The following ASXL3 variants were observed in gnomAD, a reference collection of about 807,000 sequenced individuals.
ASXL3 encodes the protein putative Polycomb group protein ASXL3.
ASXL3 carries 34 observed loss-of-function variants against 170.6 expected under a neutral mutation model. The observed-to-expected ratio is 0.20, with a 90% CI of 0.15 to 0.27. The LOEUF is 0.27. Among genes scored for constraint, ASXL3 ranks in the 10% least tolerant of loss-of-function variants. The pLI, the probability that ASXL3 is intolerant of heterozygous loss-of-function variation, is 1.00. For missense variants in ASXL3, 2,592 were observed against 2,695.3 expected (o/e 0.96, Z 0.85); for synonymous variants, 1,002 against 989.1 (o/e 1.01, Z -0.24).
rs1226619353 is a variant in ASXL3, at chr18:33,713,248, G to GT, written c.880-18694dup. ...AAGAAGGTTTTTTTTGTTTTGTTTT[G>GT]TTTTTTTTTTTTTTTTTTTTTTTTT... On this transcript the variant is annotated intron_variant, in intron 8 of 11. Coordinates refer to ENST00000269197, the MANE Select transcript of ASXL3 (RefSeq NM_030632.3). 8.5e-3 allele frequency among the ~76,000 whole-genome samples: 551 copies of GT among 65,084 alleles called. 22 individuals carry two copies. The highest frequency in any genetic ancestry group is 0.014 in the Middle Eastern group (1 of 70). 42.7% of individuals were successfully genotyped at this position (65,084 alleles called of 152,430 possible).
At chr18:33,631,656 T>G (rs146884945) in intron 2 of ASXL3, among the ~76,000 whole-genome samples, 1 of 152,142 alleles carries the variant, frequency 6.6e-6, no homozygotes, top group Admixed American at 6.6e-5. Context: ...TCGCTGCTGA[T>G]ATCAGCGACT....
intron 1 of ASXL3, among the ~76,000 whole-genome samples, chr18:33,581,054 C>G (rs2064987440): frequency 6.6e-6 from 1 of 151,968 alleles, no homozygotes; most frequent in African/African-American, 2.4e-5. Context: ...TCACCATTAA[C>G]CAAATTAATA....
chr18:33,622,144 G>A (rs1289598346), intron 2 of ASXL3, among the ~76,000 whole-genome samples: 1 of 152,074 alleles, frequency 6.6e-6, no homozygotes, highest in Non-Finnish European at 1.5e-5. Context: ...GATCTTTAGT[G>A]TATCAAATGC....
In ASXL3 at chr18:33,671,772, A is replaced by T. The variant is rs201134613; in HGVS notation, c.621A>T (p.Ala207=). The T allele has an allele frequency of 1.1e-4, 172 of 1,609,198 alleles. No individual in the cohort carries two copies. The African/African-American group carries it at 2.1e-3, about 20-fold the overall frequency. ...PSGSESKNGE[A]DSSDKEMKHG... is the part of the protein sequence containing the mutation. Reference sequence around the variant, plus strand: ...GATCTGAATCTAAAAATGGTGAAGCAGACAGTTCAGATAAAGAAATGAAAC... The same window carrying T: ...GATCTGAATCTAAAAATGGTGAAGCTGACAGTTCAGATAAAGAAATGAAAC... The change falls in exon 7 of 12, where the codon GCA becomes GCT. Residue 207 remains alanine (A), a synonymous_variant. Coordinates refer to ENST00000269197, the MANE Select transcript of ASXL3 (RefSeq NM_030632.3).
Position 33,683,453 on chromosome 18 carries a change from G to T in ASXL3, c.764G>T (p.Gly255Val). Residue 255 changes from glycine to valine, a missense_variant, in exon 8 of 12, where the codon GGA becomes GTA. Around this residue, in one of 4 missense-constraint regions of ASXL3, gnomAD observed 73 missense variants for 142.7 expected, o/e 0.51. Transcript: ENST00000269197. ...GAGGACATTGACATAGAAACCCCAG[G>T]ATCTATTCTTGTCAACACTAACTTG... Reference protein sequence around the residue: ...KAEDIDIETPGSILVNTNLRA... With the variant: ...KAEDIDIETPVSILVNTNLRA... 6.2e-7 allele frequency: 1 copy of T among 1,613,472 alleles called. No homozygotes were observed. The highest frequency in any genetic ancestry group is 8.5e-7 in the Non-Finnish European group (1 of 1,179,690).
intron 1 of ASXL3, among the ~76,000 whole-genome samples, chr18:33,595,654 G>A (rs1163771526): frequency 6.6e-6 from 1 of 152,202 alleles, no homozygotes; most frequent in African/African-American, 2.4e-5. Flanking sequence ...TCTCTGCAGA[G>A]TATGCTTATT....
chr18:33,643,516 G>A (rs975665442), intron 2 of ASXL3, among the ~76,000 whole-genome samples: 1 of 151,828 alleles, frequency 6.6e-6, no homozygotes, highest in Non-Finnish European at 1.5e-5. Flanking sequence ...ATTCAATGGA[G>A]TCATATTTAT....
At chr18:33,660,840 A>C (rs531345947) in intron 4 of ASXL3, among the ~76,000 whole-genome samples, 1 of 152,266 alleles carries the variant, frequency 6.6e-6, no homozygotes, top group South Asian at 2.1e-4. Context: ...AGGAGAACTA[A>C]AGGTAGAGTT....
chr18:33,660,478 ACTT>A (rs2066154602), intron 4 of ASXL3, among the ~76,000 whole-genome samples: 1 of 152,014 alleles, frequency 6.6e-6, no homozygotes, highest in Non-Finnish European at 1.5e-5. Context: ...AATAATTTTT[ACTT>A]CTTCACCTTC....
At chr18:33,610,233 C>A (rs999594328) in intron 2 of ASXL3, among the ~76,000 whole-genome samples, 2 of 151,994 alleles carry the variant, frequency 1.3e-5, no homozygotes, top group Non-Finnish European at 1.5e-5. Context: ...TTTAGAAATT[C>A]CACCTTCATG....
intron 8 of ASXL3, among the ~76,000 whole-genome samples, chr18:33,697,115 T>C (rs1057171897): frequency 1.3e-5 from 2 of 152,136 alleles, no homozygotes; most frequent in African/African-American, 4.8e-5. Flanking sequence ...ATAGAAAAGA[T>C]TTGGCAGTTT....
rs2067723733 is a variant in ASXL3, at chr18:33,744,183, C to T, written c.4335C>T (p.Asn1445=). The T allele has an allele frequency of 6.2e-7, 1 of 1,613,852 alleles. No individual in the cohort carries two copies. Among genetic ancestry groups the T allele is most frequent in the African/African-American group, 1.3e-5 (1 of 74,934 alleles). ...TGGACAAAAATTCAGGGCCTCGAAACAGGGCAGATAATTCTGGAAAACCTC... is the reference window on the plus strand; with the variant it reads ...TGGACAAAAATTCAGGGCCTCGAAATAGGGCAGATAATTCTGGAAAACCTC... ...ESLDKNSGPR[N]RADNSGKPQQ... is the part of the protein sequence containing the mutation. The change falls in exon 12 of 12, where the codon AAC becomes AAT. Residue 1445 remains asparagine, a synonymous_variant. Coordinates refer to ENST00000269197, the MANE Select transcript of ASXL3 (RefSeq NM_030632.3).
intron 8 of ASXL3, among the ~76,000 whole-genome samples, chr18:33,686,234 AGAAT>A (rs1480555817): frequency 6.6e-6 from 1 of 152,210 alleles, no homozygotes; most frequent in Admixed American, 6.5e-5. Context: ...ACTATACGCA[AGAAT>A]GGATCTTGTG....
chr18:33,723,641 C>T (rs538519669), intron 8 of ASXL3, among the ~76,000 whole-genome samples: 4 of 152,202 alleles, frequency 2.6e-5, no homozygotes, highest in South Asian at 2.1e-4. Context: ...CAAAGGACTT[C>T]GAATATTCCA....
chr18:33,713,680 C>T (rs138794149), intron 8 of ASXL3, among the ~76,000 whole-genome samples: 39 of 152,310 alleles, frequency 2.6e-4, no homozygotes, highest in African/African-American at 8.4e-4. Context: ...GTTGACATAA[C>T]GGGGCGTAGG....
chr18:33,684,294 T>C (rs989949067), intron 8 of ASXL3, among the ~76,000 whole-genome samples: 1 of 151,732 alleles, frequency 6.6e-6, no homozygotes, highest in African/African-American at 2.4e-5. Flanking sequence ...TCTGAAACTG[T>C]GCATCATTTT....
At chr18:33,693,662 A>G (rs551042667) in intron 8 of ASXL3, among the ~76,000 whole-genome samples, 36 of 152,238 alleles carry the variant, frequency 2.4e-4, no homozygotes, top group Non-Finnish European at 4.3e-4. Context: ...CATTGAGGGC[A>G]CATTTGAGAA....
chr18:33,747,788 T>C lies in ASXL3; in HGVS notation c.*1193T>C, dbSNP rs2067820487. On this transcript the variant is annotated 3_prime_UTR_variant, in exon 12 of 12. Coordinates refer to ENST00000269197, the MANE Select transcript of ASXL3 (RefSeq NM_030632.3). ...GGCATGTTTTGTTTTTTCCCTCAGG[T>C]ATATTCAATACATTCTTCATATTTG... 6.6e-6 allele frequency: 1 copy of C among 152,226 alleles called. No homozygotes were observed. The highest frequency in any genetic ancestry group is 1.5e-5 in the Non-Finnish European group (1 of 68,034). 9.4% of individuals were successfully genotyped at this position (152,226 alleles called of 1,614,324 possible). A position where few individuals can be genotyped will look rare whatever the true frequency, so the allele number is the denominator to read the frequency against.
intron 8 of ASXL3, among the ~76,000 whole-genome samples, chr18:33,727,311 A>G (rs889344262): frequency 2.6e-5 from 4 of 152,168 alleles, no homozygotes; most frequent in African/African-American, 7.2e-5. Context: ...ATAGAGGTTT[A>G]AAGGATTATT....
Sources: gnomAD v4.1 joint callset for allele counts (sites outside exome capture counted in the v4.1 genomes callset) on GRCh38, gnomAD v4.1.1 for gene constraint, gnomAD v4.1.1 regional missense constraint, MANE v1.5 for transcripts, NCBI Gene and HGNC (gene_info 2026-07-23, HGNC 2026-07-21) for gene names.